DCT: variants seen among roughly 807,000 people sequenced by gnomAD.
DCT encodes the protein L-dopachrome tautomerase.
Under a neutral mutation model 53.0 loss-of-function variants are expected in DCT, and 47 were observed. The observed-to-expected ratio is 0.89, with a 90% CI of 0.70 to 1.13. The LOEUF is 1.13. Among genes scored for constraint, DCT ranks in the 50% most tolerant of loss-of-function variants. DCT has a pLI of 0.00. For missense variants in DCT, 669 were observed against 637.4 expected, an observed-to-expected ratio of 1.05 and a Z score of -0.53; for synonymous variants, 244 against 237.0, an observed-to-expected ratio of 1.03 and a Z score of -0.27.
chr13:94,503,007 G>A, the DCT span, among the ~76,000 whole-genome samples: 1 of 152,208 alleles, frequency 6.6e-6, no homozygotes, highest in Non-Finnish European at 1.5e-5. Flanking sequence ...TTTAAATAAT[G>A]TCTGCCAAAA....
intron 1 of DCT, among the ~76,000 whole-genome samples, chr13:94,475,694 TAAAC>T (rs1357747888): frequency 4.6e-5 from 7 of 151,988 alleles, no homozygotes; most frequent in African/African-American, 1.7e-4. Flanking sequence ...AAGCAAAAAA[TAAAC>T]AAAAACAAAG....
chr13:94,441,825 T>C (rs1882339169), intron 7 of DCT, among the ~76,000 whole-genome samples: 1 of 152,228 alleles, frequency 6.6e-6, no homozygotes, highest in African/African-American at 2.4e-5. Flanking sequence ...CAAATATCTC[T>C]GCTGGACCTT....
intron 6 of DCT, among the ~76,000 whole-genome samples, chr13:94,449,559 T>C (rs1566810411): frequency 1.3e-5 from 2 of 152,172 alleles, no homozygotes; most frequent in Non-Finnish European, 2.9e-5. Flanking sequence ...TAAGTGACAA[T>C]TCAAATGTGA....
the DCT span, among the ~76,000 whole-genome samples, chr13:94,525,263 G>T: frequency 6.6e-6 from 1 of 152,088 alleles, no homozygotes; most frequent in South Asian, 2.1e-4. Context: ...ACCATACCTA[G>T]CTAATTTTTG....
At chr13:94,503,984 A>G in the DCT span, among the ~76,000 whole-genome samples, 57,728 of 152,056 alleles carry the variant, frequency 0.38, 11,430 homozygotes, top group East Asian at 0.61. Context: ...TGAAGTAAAC[A>G]TTTTCTTTCT....
At chr13:94,482,329 C>T (rs1408393954), upstream of DCT, among the ~76,000 whole-genome samples, 4 of 152,196 alleles carry the variant, frequency 2.6e-5, no homozygotes, top group Non-Finnish European at 5.9e-5. Context: ...GGATGGCAGA[C>T]TATTGCAATC....
At position 94,465,732 on chromosome 13, in the gene DCT, T is replaced by A. The variant is rs1412809400; in HGVS notation, c.764A>T (p.Asp255Val). 1.9e-6 allele frequency: 3 copies of A among 1,612,318 alleles called. No individual in the cohort carries two copies. Among genetic ancestry groups the A allele is most frequent in the South Asian group, 2.2e-5 (2 of 90,946 alleles). Reference protein sequence around the residue: ...WNFATGRNECDVCTDQLFGAA... With the variant: ...WNFATGRNECVVCTDQLFGAA... Reference sequence around the variant, plus strand: ...CCCAAACAGCTGGTCTGTACACACATCACACTCGTTCCTCCCAGTGGCAAA... The same window carrying A: ...CCCAAACAGCTGGTCTGTACACACAACACACTCGTTCCTCCCAGTGGCAAA... The change falls in exon 4 of 8, where the codon GAT becomes GTT. Residue 255 changes from aspartate (D) to valine (V), a missense_variant. Coordinates refer to ENST00000377028, the MANE Select transcript of DCT (RefSeq NM_001922.5).
chr13:94,468,270 TA>T (rs1443945199), intron 2 of DCT: 3 of 161,302 alleles, frequency 1.9e-5, no homozygotes, highest in Middle Eastern at 3.1e-3. Context: ...AAAGTTGATC[TA>T]TCCTGTGAGT....
upstream of DCT, among the ~76,000 whole-genome samples, chr13:94,483,411 G>A (rs942102230): frequency 4.0e-5 from 6 of 151,078 alleles, no homozygotes; most frequent in Non-Finnish European, 7.4e-5. Context: ...TCCATAGACC[G>A]GGTACAGTCC....
chr13:94,472,471 G>A (rs1437415499), intron 1 of DCT, among the ~76,000 whole-genome samples: 4 of 128,890 alleles, frequency 3.1e-5, no homozygotes, highest in Non-Finnish European at 6.2e-5. Flanking sequence ...TTAATGTGGA[G>A]CACATAGAAC....
At chr13:94,447,921 T>TAG (rs1882835256) in intron 6 of DCT, among the ~76,000 whole-genome samples, 1 of 152,154 alleles carries the variant, frequency 6.6e-6, no homozygotes, top group South Asian at 2.1e-4. Flanking sequence ...ATTGAAATTG[T>TAG]AGCTCTCAGG....
the DCT span, among the ~76,000 whole-genome samples, chr13:94,519,180 G>A: frequency 1.4e-4 from 22 of 152,160 alleles, no homozygotes; most frequent in African/African-American, 4.6e-4. Flanking sequence ...TTACCTTCAC[G>A]GCACATACCC....
At chr13:94,548,987 G>C in the DCT span, among the ~76,000 whole-genome samples, 4 of 151,398 alleles carry the variant, frequency 2.6e-5, no homozygotes, top group Non-Finnish European at 5.9e-5. Flanking sequence ...TCTGGGGACT[G>C]TACTTTGAGA....
rs373529464 is a variant in DCT at position 94,465,807 on chromosome 13, C to A, written c.697-8G>T. ...CTCATTGCCAATGAGTCGCTAAAAG[C>A]AAAGGGCAGGCCTAGTCATTTAATC... On this transcript the variant is annotated splice_region_variant and splice_polypyrimidine_tract_variant and intron_variant, in intron 3 of 7. Transcript: ENST00000377028. The A allele has an allele frequency of 6.8e-6, 11 of 1,609,144 alleles. No individual in the cohort carries two copies. Among genetic ancestry groups the A allele is most frequent in the Non-Finnish European group, 9.3e-6 (11 of 1,177,606 alleles).
chr13:94,466,454 A>G (rs1884224766), intron 3 of DCT, 104 bp downstream of exon 3: 1 of 625,684 alleles, frequency 1.6e-6, no homozygotes, highest in Admixed American at 3.2e-5. Context: ...CTTATCTTGT[A>G]TGAGTATCAA....
the DCT span, among the ~76,000 whole-genome samples, chr13:94,537,913 C>T: frequency 6.6e-6 from 1 of 152,142 alleles, no homozygotes; most frequent in Non-Finnish European, 1.5e-5. Flanking sequence ...GGTGACCCAC[C>T]ATTGGCAGGA....
chr13:94,543,330 G>T, the DCT span, among the ~76,000 whole-genome samples: 6 of 152,110 alleles, frequency 3.9e-5, no homozygotes, highest in Admixed American at 3.9e-4. Flanking sequence ...TGAACCATCA[G>T]CAGCAGCAAG....
upstream of DCT, among the ~76,000 whole-genome samples, chr13:94,484,257 A>G (rs575543025): frequency 9.9e-4 from 150 of 152,250 alleles, no homozygotes; most frequent in South Asian, 9.3e-3. Context: ...CTCCCACCCC[A>G]TTGGCAAAAA....
chr13:94,438,514 C>A lies in DCT; in HGVS notation c.*1384G>T. The A allele has an allele frequency of 2.2e-6, 1 of 446,350 alleles. No homozygotes were observed. Among genetic ancestry groups the A allele is most frequent in the South Asian group, 1.6e-5 (1 of 62,818 alleles). 27.6% of individuals were successfully genotyped at this position (446,350 alleles called of 1,614,324 possible). A position where few individuals can be genotyped will look rare whatever the true frequency, so the allele number is the denominator to read the frequency against. On this transcript the variant is annotated 3_prime_UTR_variant, in exon 8 of 8. Coordinates refer to ENST00000377028, the MANE Select transcript of DCT (RefSeq NM_001922.5). ...TTATGTTGAAGGCAGCTCCAGGGAC[C>A]TCTTAACACCCATTCTTTACATTCA...
Sources: gnomAD v4.1 joint callset for allele counts (sites outside exome capture counted in the v4.1 genomes callset) on GRCh38, gnomAD v4.1.1 for gene constraint, MANE v1.5 for transcripts, NCBI Gene and HGNC (gene_info 2026-07-23, HGNC 2026-07-21) for gene names.